FANCC: variants seen among roughly 807,000 people sequenced by gnomAD.
FANCC encodes the protein FA complementation group C.
FANCC carries 55 observed loss-of-function variants against 71.3 expected under a neutral mutation model. The observed-to-expected ratio is 0.77, with a 90% CI of 0.62 to 0.97. FANCC has a LOEUF of 0.97. Among genes scored for constraint, FANCC ranks in the 50% least tolerant of loss-of-function variants. The probability of loss-of-function intolerance (pLI) is 0.00; values close to 1 mark genes in which losing one functional copy is unlikely to be tolerated. For missense variants in FANCC, 678 were observed against 670.9 expected (o/e 1.01, Z -0.12); for synonymous variants, 275 against 244.9 (o/e 1.12, Z -1.15).
intron 1 of FANCC, among the ~76,000 whole-genome samples, chr9:95,270,078 C>A (rs2136212327): frequency 6.6e-6 from 1 of 152,246 alleles, no homozygotes; most frequent in East Asian, 1.9e-4. Context: ...TTAACAGAAT[C>A]TCAAGGCAGA....
At chr9:95,286,852 T>G (rs1357019604) in intron 1 of FANCC, among the ~76,000 whole-genome samples, 1 of 152,184 alleles carries the variant, frequency 6.6e-6, no homozygotes, top group Non-Finnish European at 1.5e-5. Context: ...TTTTAAAAGG[T>G]AATATGAACA....
At chr9:95,298,341 TAA>T (rs1418001080) in intron 1 of FANCC, among the ~76,000 whole-genome samples, 4 of 152,098 alleles carry the variant, frequency 2.6e-5, no homozygotes, top group Non-Finnish European at 5.9e-5. Context: ...CATACTTGGA[TAA>T]AAAGATAGGC....
intron 10 of FANCC, chr9:95,123,643 T>G (rs1825471564): frequency 8.1e-6 from 5 of 618,608 alleles, no homozygotes; most frequent in South Asian, 6.8e-5. Flanking sequence ...AATTCATCAT[T>G]GGAAACACAG....
chr9:95,103,890 G>A (rs1356756394), intron 14 of FANCC, among the ~76,000 whole-genome samples: 2 of 152,228 alleles, frequency 1.3e-5, no homozygotes, highest in African/African-American at 4.8e-5. Context: ...GAGGGTGCAA[G>A]GGCTCTGAAG....
At chr9:95,280,090 A>G (rs1225084756) in intron 1 of FANCC, among the ~76,000 whole-genome samples, 2 of 152,190 alleles carry the variant, frequency 1.3e-5, no homozygotes, top group African/African-American at 2.4e-5. Flanking sequence ...AAAAGGATAG[A>G]AAAGATATGT....
intron 1 of FANCC, among the ~76,000 whole-genome samples, chr9:95,263,207 T>G (rs903423040): frequency 6.6e-6 from 1 of 152,164 alleles, no homozygotes; most frequent in Non-Finnish European, 1.5e-5. Flanking sequence ...GCTGCATCCC[T>G]GCCCTGCTGT....
chr9:95,252,463 G>A (rs1831407241), intron 1 of FANCC, among the ~76,000 whole-genome samples: 2 of 151,826 alleles, frequency 1.3e-5, no homozygotes, highest in Non-Finnish European at 2.9e-5. Context: ...TTGCAGGCCC[G>A]GGGCTGGGCG....
intron 4 of FANCC, among the ~76,000 whole-genome samples, chr9:95,202,260 G>C (rs1326065635): frequency 2.6e-5 from 4 of 152,378 alleles, no homozygotes; most frequent in African/African-American, 9.6e-5. Flanking sequence ...CCCCAGTAGA[G>C]GTGGAGATGC....
intron 1 of FANCC, among the ~76,000 whole-genome samples, chr9:95,252,274 C>CAAAAAA (rs71366284): frequency 4.0e-4 from 20 of 50,124 alleles, no homozygotes; most frequent in East Asian, 1.3e-3. Flanking sequence ...GAGACTGATT[C>CAAAAAA]AAAAAAAAAA....
At chr9:95,304,157 T>C (rs985338579) in intron 1 of FANCC, among the ~76,000 whole-genome samples, 1 of 152,220 alleles carries the variant, frequency 6.6e-6, no homozygotes, top group African/African-American at 2.4e-5. Context: ...AGGCAGTGAC[T>C]AGAAATAATT....
chr9:95,264,322 T>TA (rs1051109352), intron 1 of FANCC, among the ~76,000 whole-genome samples: 1 of 152,030 alleles, frequency 6.6e-6, no homozygotes, highest in Admixed American at 6.5e-5. Context: ...AATAAATACA[T>TA]AAAAAAAGCA....
chr9:95,133,255 A>G (rs1827180230), intron 8 of FANCC, among the ~76,000 whole-genome samples: 1 of 152,224 alleles, frequency 6.6e-6, no homozygotes, highest in Non-Finnish European at 1.5e-5. Flanking sequence ...AGCCCACACC[A>G]ATCAGGGGCT....
chr9:95,119,555 G>A (rs757262287), intron 10 of FANCC, among the ~76,000 whole-genome samples: 17 of 151,870 alleles, frequency 1.1e-4, no homozygotes, highest in Non-Finnish European at 2.1e-4. Flanking sequence ...TAGTAGAGAC[G>A]GGGTTTCACT....
chr9:95,294,562 A>C, intron 1 of FANCC: 1 of 1,539,364 alleles, frequency 6.5e-7, no homozygotes, highest in Middle Eastern at 1.7e-4. Context: ...AGAGACACAA[A>C]CTGAAGGAAT....
intron 6 of FANCC, among the ~76,000 whole-genome samples, chr9:95,170,732 G>T (rs762693391): frequency 6.7e-6 from 1 of 150,326 alleles, no homozygotes; most frequent in Non-Finnish European, 1.5e-5. Flanking sequence ...GCATACACTT[G>T]CATCTGTGCA....
At chr9:95,177,327 T>C (rs1049611373) in intron 4 of FANCC, among the ~76,000 whole-genome samples, 5 of 152,168 alleles carry the variant, frequency 3.3e-5, no homozygotes, top group Admixed American at 6.5e-5. Context: ...TACACCTGTA[T>C]AGGACACTTC....
chr9:95,224,810 G>C (rs776353437), intron 4 of FANCC, among the ~76,000 whole-genome samples: 1 of 152,144 alleles, frequency 6.6e-6, no homozygotes, highest in Non-Finnish European at 1.5e-5. Flanking sequence ...CCAAAGGAGT[G>C]ACGCATCTGA....
At chr9:95,123,616 G>A (rs777052521) in intron 10 of FANCC, 1 of 602,062 alleles carries the variant, frequency 1.7e-6, no homozygotes, top group South Asian at 1.4e-5. Flanking sequence ...GTGTGCCCAA[G>A]GACAAGGCTA....
intron 1 of FANCC, among the ~76,000 whole-genome samples, chr9:95,284,052 T>C (rs1372910792): frequency 6.6e-6 from 1 of 152,232 alleles, no homozygotes; most frequent in South Asian, 2.1e-4. Context: ...TTAACACCCA[T>C]TCAATGTCAG....
Sources: allele counts gnomAD v4.1 joint callset (sites outside exome capture counted in the v4.1 genomes callset), GRCh38; gene constraint gnomAD v4.1.1; transcripts MANE v1.5; gene names NCBI Gene and HGNC (gene_info 2026-07-23, HGNC 2026-07-21).